The following JAZF1 variants were observed in gnomAD, a reference collection of about 807,000 sequenced individuals.
JAZF1 encodes the protein JAZF zinc finger 1, also known as juxtaposed with another zinc finger protein 1.
In JAZF1, 8 loss-of-function variants were observed where a neutral mutation model predicts 26.4. That is an observed-to-expected ratio of 0.30 (90% CI 0.18 to 0.55). The LOEUF (loss-of-function observed/expected upper bound fraction) is 0.55. JAZF1 is among the 20% of genes least tolerant of loss of function. The probability of loss-of-function intolerance (pLI) is 0.94; values close to 1 mark genes in which losing one functional copy is unlikely to be tolerated. For synonymous variants in JAZF1, 126 were observed against 122.3 expected (o/e 1.03, Z -0.20); for missense variants, 199 against 322.0 (o/e 0.62, Z 2.92).
chr7:27,911,312 C>T (rs570704996), intron 2 of JAZF1, among the ~76,000 whole-genome samples: 55 of 152,286 alleles, frequency 3.6e-4, no homozygotes, highest in East Asian at 2.9e-3. Context: ...ATGCTACGTG[C>T]TTTATCATTA....
chr7:28,066,673 T>C (rs1169363102), intron 1 of JAZF1, among the ~76,000 whole-genome samples: 1 of 147,900 alleles, frequency 6.8e-6, no homozygotes, highest in African/African-American at 2.5e-5. Flanking sequence ...AACCAGATGA[T>C]GATCCTCAAC....
chr7:27,970,030 G>A (rs1013121180), intron 2 of JAZF1, among the ~76,000 whole-genome samples: 1 of 151,510 alleles, frequency 6.6e-6, no homozygotes, highest in African/African-American at 2.4e-5. Context: ...ATAAAAAATA[G>A]TGGTAAGAGC....
At chr7:28,011,623 T>C (rs908494167) in intron 1 of JAZF1, among the ~76,000 whole-genome samples, 4 of 152,192 alleles carry the variant, frequency 2.6e-5, no homozygotes, top group Non-Finnish European at 5.9e-5. Flanking sequence ...TTTTAAATTC[T>C]TCTAACACCT....
chr7:27,953,132 A>G (rs1785039028), intron 2 of JAZF1, among the ~76,000 whole-genome samples: 1 of 152,232 alleles, frequency 6.6e-6, no homozygotes, highest in African/African-American at 2.4e-5. Context: ...AAGTTTTTCC[A>G]GCTGGCAAAC....
intron 2 of JAZF1, among the ~76,000 whole-genome samples, chr7:27,938,746 A>G (rs1314910713): frequency 6.6e-6 from 1 of 151,452 alleles, no homozygotes; most frequent in Admixed American, 6.6e-5. Context: ...ATTATGGCTC[A>G]CTGCAACCTC....
chr7:27,981,076 C>T (rs759203639), intron 2 of JAZF1, among the ~76,000 whole-genome samples: 1 of 152,164 alleles, frequency 6.6e-6, no homozygotes, highest in African/African-American at 2.4e-5. Context: ...CTTAGGCAAC[C>T]TTCCACTCAA....
chr7:28,058,974 T>C (rs1180445853), intron 1 of JAZF1, among the ~76,000 whole-genome samples: 3 of 152,130 alleles, frequency 2.0e-5, no homozygotes, highest in African/African-American at 4.8e-5. Context: ...ATAAACCAAT[T>C]AGAGTGACAA....
At chr7:28,003,161 G>A (rs1782633842) in intron 1 of JAZF1, among the ~76,000 whole-genome samples, 1 of 151,822 alleles carries the variant, frequency 6.6e-6, no homozygotes, top group South Asian at 2.1e-4. Flanking sequence ...TTATTTTGTT[G>A]GACCTAAAAC....
chr7:27,845,708 A>AG (rs1479753315), intron 3 of JAZF1, among the ~76,000 whole-genome samples: 47 of 142,190 alleles, frequency 3.3e-4, no homozygotes, highest in African/African-American at 8.2e-4. Flanking sequence ...AAAAAAAAAA[A>AG]AAAAAAGAAA....
intron 1 of JAZF1, among the ~76,000 whole-genome samples, chr7:28,144,703 C>A (rs529664380): frequency 6.6e-6 from 1 of 152,214 alleles, no homozygotes; most frequent in Non-Finnish European, 1.5e-5. Context: ...AGTTTAATCA[C>A]AGTATAATCA....
chr7:28,173,416 TAC>T (rs1160680315), intron 1 of JAZF1, among the ~76,000 whole-genome samples: 1 of 152,156 alleles, frequency 6.6e-6, no homozygotes, highest in African/African-American at 2.4e-5. Context: ...CATAAATATA[TAC>T]ACACATATGG....
At chr7:28,085,799 G>C (rs1363016731) in intron 1 of JAZF1, among the ~76,000 whole-genome samples, 1 of 152,200 alleles carries the variant, frequency 6.6e-6, no homozygotes, top group Non-Finnish European at 1.5e-5. Context: ...TTGATACCAA[G>C]AAGAAAATTT....
chr7:28,066,852 T>TC (rs1328032746), intron 1 of JAZF1, among the ~76,000 whole-genome samples: 1 of 152,092 alleles, frequency 6.6e-6, no homozygotes, highest in African/African-American at 2.4e-5. Context: ...ATTTTATGAC[T>TC]CCTGAAAAGA....
intron 3 of JAZF1, among the ~76,000 whole-genome samples, chr7:27,886,637 G>A (rs1467671730): frequency 6.6e-6 from 1 of 152,154 alleles, no homozygotes; most frequent in African/African-American, 2.4e-5. Flanking sequence ...TGCTAATGTA[G>A]CCCATGTGTG....
chr7:28,016,680 T>A (rs1388160899), intron 1 of JAZF1, among the ~76,000 whole-genome samples: 1 of 152,210 alleles, frequency 6.6e-6, no homozygotes, highest in African/African-American at 2.4e-5. Context: ...CATGCCATTA[T>A]GTCATTTTTG....
chr7:28,170,760 G>C (rs1160884682), intron 1 of JAZF1, among the ~76,000 whole-genome samples: 1 of 152,016 alleles, frequency 6.6e-6, no homozygotes, highest in East Asian at 1.9e-4. Flanking sequence ...TTTCAGGTGC[G>C]GAAGAGCCTT....
chr7:27,990,579 A>T (rs2128365046), intron 2 of JAZF1, among the ~76,000 whole-genome samples: 1 of 152,308 alleles, frequency 6.6e-6, no homozygotes, highest in East Asian at 1.9e-4. Context: ...TACATAGGTG[A>T]CATATTTTAC....
chr7:28,137,777 G>A (rs1460172633), intron 1 of JAZF1, among the ~76,000 whole-genome samples: 2 of 152,200 alleles, frequency 1.3e-5, no homozygotes, highest in African/African-American at 4.8e-5. Flanking sequence ...TGGCAACTGA[G>A]AGCCCAAAGG....
intron 2 of JAZF1, among the ~76,000 whole-genome samples, chr7:27,989,191 G>A (rs1177794765): frequency 6.6e-6 from 1 of 152,122 alleles, no homozygotes; most frequent in Non-Finnish European, 1.5e-5. Context: ...AATGGGGAAA[G>A]GATTCCCTAT....
Sources: gnomAD v4.1 joint callset for allele counts (sites outside exome capture counted in the v4.1 genomes callset) on GRCh38, gnomAD v4.1.1 for gene constraint, MANE v1.5 for transcripts, NCBI Gene and HGNC (gene_info 2026-07-23, HGNC 2026-07-21) for gene names.